Variants in NAALADL2 observed in about 807,000 individuals in gnomAD.
NAALADL2 encodes inactive N-acetylated-alpha-linked acidic dipeptidase-like protein 2.
NAALADL2 carries 76 observed loss-of-function variants against 87.2 expected under a neutral mutation model. That is an observed-to-expected ratio of 0.87 (90% CI 0.72 to 1.05). NAALADL2 has a LOEUF of 1.05. Ranked by LOEUF, NAALADL2 falls within the 50% of genes least tolerant of loss-of-function variation. NAALADL2 has a pLI of 0.00. For missense variants in NAALADL2, 1,089 were observed against 945.8 expected, an observed-to-expected ratio of 1.15 and a Z score of -1.99; for synonymous variants, 354 against 331.0, an observed-to-expected ratio of 1.07 and a Z score of -0.75.
chr3:174,732,209 A>AT (rs1193293999), intron 2 of NAALADL2, among the ~76,000 whole-genome samples: 1 of 152,102 alleles, frequency 6.6e-6, no homozygotes, highest in African/African-American at 2.4e-5. Flanking sequence ...TATAAATATG[A>AT]TTTTTTGACT....
chr3:175,460,643 G>T (rs1279226034), intron 6 of NAALADL2, among the ~76,000 whole-genome samples: 1 of 152,076 alleles, frequency 6.6e-6, no homozygotes, highest in East Asian at 1.9e-4. Context: ...AAAAAATAAA[G>T]TAAAATATAA....
At chr3:175,228,572 A>C (rs557490691) in intron 2 of NAALADL2, among the ~76,000 whole-genome samples, 2 of 152,048 alleles carry the variant, frequency 1.3e-5, no homozygotes, top group East Asian at 3.9e-4. Context: ...TAGAAAATTT[A>C]TGTAAGCTAG....
At chr3:175,257,371 G>T (rs1581149717) in intron 4 of NAALADL2, among the ~76,000 whole-genome samples, 1 of 147,890 alleles carries the variant, frequency 6.8e-6, no homozygotes, top group Non-Finnish European at 1.5e-5. Flanking sequence ...TCCTATGTCT[G>T]TTTTTTTTTT....
chr3:175,471,779 A>G, intron 9 of NAALADL2, 21 bp downstream of exon 9: 1 of 1,575,200 alleles, frequency 6.3e-7, no homozygotes, highest in Non-Finnish European at 8.6e-7. Flanking sequence ...CCACTATTGT[A>G]TCAAATGATT....
intron 3 of NAALADL2, among the ~76,000 whole-genome samples, chr3:174,841,120 A>C (rs1457812561): frequency 6.6e-6 from 1 of 152,186 alleles, no homozygotes; most frequent in Non-Finnish European, 1.5e-5. Flanking sequence ...CAAATCAAAG[A>C]AAACCTAATG....
chr3:174,460,726 GCTGGGCCATAATAAACCTA>G (rs781402108), intron 1 of NAALADL2, among the ~76,000 whole-genome samples: 105 of 151,810 alleles, frequency 6.9e-4, no homozygotes, highest in Non-Finnish European at 1.4e-3. Flanking sequence ...ACATCATCTG[GCTGGGCCATAATAAACCTA>G]CCCATTTCTC....
intron 1 of NAALADL2, among the ~76,000 whole-genome samples, chr3:175,030,111 C>A (rs1195666539): frequency 6.6e-6 from 1 of 152,068 alleles, no homozygotes; most frequent in African/African-American, 2.4e-5. Context: ...TTAGAAACTG[C>A]CAGACAGTCT....
chr3:174,645,339 C>T (rs966165429), intron 2 of NAALADL2, among the ~76,000 whole-genome samples: 8 of 152,168 alleles, frequency 5.3e-5, no homozygotes, highest in Admixed American at 4.6e-4. Flanking sequence ...TCAGATTTTA[C>T]TGACTTTTGA....
chr3:175,020,797 C>T (rs187384766), intron 1 of NAALADL2, among the ~76,000 whole-genome samples: 5 of 152,080 alleles, frequency 3.3e-5, no homozygotes, highest in Admixed American at 6.6e-5. Context: ...TACAATTTAC[C>T]GTACTGGGCC....
chr3:175,742,911 G>C (rs866971085), intron 12 of NAALADL2, among the ~76,000 whole-genome samples: 1 of 152,100 alleles, frequency 6.6e-6, no homozygotes, highest in Non-Finnish European at 1.5e-5. Context: ...TGAGGACAAG[G>C]ATGTTTCTTT....
chr3:174,971,852 G>A (rs1047852369), intron 1 of NAALADL2, among the ~76,000 whole-genome samples: 2 of 151,936 alleles, frequency 1.3e-5, no homozygotes, highest in Admixed American at 1.3e-4. Flanking sequence ...CACATGCCAC[G>A]ACGCCCAGCT....
At chr3:175,277,887 T>G (rs556873256) in intron 4 of NAALADL2, among the ~76,000 whole-genome samples, 1 of 152,340 alleles carries the variant, frequency 6.6e-6, no homozygotes, top group Non-Finnish European at 1.5e-5. Flanking sequence ...CACTTACTGT[T>G]ACTTTCTTAG....
intron 4 of NAALADL2, among the ~76,000 whole-genome samples, chr3:175,314,167 G>T (rs1393168001): frequency 4.0e-5 from 6 of 150,814 alleles, no homozygotes; most frequent in Non-Finnish European, 7.4e-5. Context: ...TTACTGCCGT[G>T]TCCTGCCCAT....
chr3:175,789,857 A>C (rs1019968718), intron 13 of NAALADL2, among the ~76,000 whole-genome samples: 1 of 152,184 alleles, frequency 6.6e-6, no homozygotes, highest in East Asian at 1.9e-4. Context: ...AGAGCTAAAC[A>C]TCCATGAAAC....
At chr3:175,703,747 A>C (rs1739300588) in intron 11 of NAALADL2, among the ~76,000 whole-genome samples, 1 of 152,046 alleles carries the variant, frequency 6.6e-6, no homozygotes, top group African/African-American at 2.4e-5. Context: ...CATCTCAAAA[A>C]AATAAATAAA....
intron 1 of NAALADL2, among the ~76,000 whole-genome samples, chr3:174,904,661 C>T (rs1732759760): frequency 6.6e-6 from 1 of 151,748 alleles, no homozygotes. Flanking sequence ...GACCAGAAAA[C>T]ATAAGTTTCA....
chr3:175,698,365 ATATGTATGTGTATT>A lies in NAALADL2; in HGVS notation c.1897-38931_1897-38918del, dbSNP rs1332425234. 6.8e-5 allele frequency among the ~76,000 whole-genome samples: 6 copies of A among 87,910 alleles called. 1 individual carries two copies. The highest frequency in any genetic ancestry group is 1.5e-4 in the African/African-American group (3 of 20,544). The allele number at this position is 87,910 out of a possible 152,430, so 57.7% of individuals were successfully genotyped here. ...TGTATGTGTATTTATGTATGTGTAT[ATATGTATGTGTATT>A]TATGTATGTATACATATGTATGTGT... On this transcript the variant is annotated intron_variant, in intron 11 of 13. Transcript: ENST00000454872.
intron 2 of NAALADL2, among the ~76,000 whole-genome samples, chr3:175,231,334 C>T (rs1744909417): frequency 6.6e-6 from 1 of 151,974 alleles, no homozygotes; most frequent in Admixed American, 6.6e-5. Context: ...ACTCTTTATA[C>T]ATCGTATACG....
chr3:174,972,170 C>A (rs144412566), intron 1 of NAALADL2, among the ~76,000 whole-genome samples: 221 of 152,218 alleles, frequency 1.5e-3, no homozygotes, highest in African/African-American at 5.1e-3. Flanking sequence ...GTTTGTGATG[C>A]CTAATCTAGA....
Sources: gnomAD v4.1 joint callset for allele counts (sites outside exome capture counted in the v4.1 genomes callset) on GRCh38, gnomAD v4.1.1 for gene constraint, MANE v1.5 for transcripts, NCBI Gene and HGNC (gene_info 2026-07-23, HGNC 2026-07-21) for gene names.